FOXP1: variants seen among roughly 807,000 people sequenced by gnomAD.
The protein encoded by FOXP1 is forkhead box protein P1.
A neutral mutation model predicts 98.2 loss-of-function variants in FOXP1; 15 were observed. The observed-to-expected ratio is 0.15, with a 90% CI of 0.10 to 0.24. The LOEUF (loss-of-function observed/expected upper bound fraction) is 0.24, where lower values mean the gene tolerates loss of function less well. FOXP1 is among the 10% of genes least tolerant of loss of function. The pLI, the probability that FOXP1 is intolerant of heterozygous loss-of-function variation, is 1.00. For missense variants in FOXP1, 633 were observed against 848.5 expected (o/e 0.75, Z 3.15); for synonymous variants, 371 against 314.5 (o/e 1.18, Z -1.90).
chr3:71,438,912 G>A (rs1471408509), intron 3 of FOXP1, among the ~76,000 whole-genome samples: 1 of 150,938 alleles, frequency 6.6e-6, no homozygotes, highest in Non-Finnish European at 1.5e-5. Flanking sequence ...CACTGGTGGA[G>A]ACCACAGGGC....
At chr3:71,187,356 C>T (rs945003117) in intron 6 of FOXP1, among the ~76,000 whole-genome samples, 2 of 152,074 alleles carry the variant, frequency 1.3e-5, no homozygotes, top group Non-Finnish European at 2.9e-5. Context: ...GAGGCTGAGG[C>T]GGGTGGATCA....
rs1456363234 is a variant in FOXP1 at position 70,957,060 on chromosome 3, C to T, written c.*2187G>A. ...AAAAATATCTCTTTTTCTAGAAATACTATTATGTAATCTAGTTCAATTATG... is the reference window on the plus strand; with the variant it reads ...AAAAATATCTCTTTTTCTAGAAATATTATTATGTAATCTAGTTCAATTATG... On this transcript the variant is annotated 3_prime_UTR_variant, in exon 21 of 21. Transcript: ENST00000649528. The T allele has an allele frequency of 2.2e-5, 5 of 222,338 alleles. No homozygotes were observed. Among genetic ancestry groups the T allele is most frequent in the Middle Eastern group, 1.4e-3 (1 of 700 alleles). 13.8% of individuals were successfully genotyped at this position (222,338 alleles called of 1,614,324 possible).
intron 3 of FOXP1, among the ~76,000 whole-genome samples, chr3:71,409,057 G>A (rs1313826132): frequency 6.6e-6 from 1 of 152,216 alleles, no homozygotes; most frequent in Non-Finnish European, 1.5e-5. Context: ...AACGTGCACA[G>A]CAGGTTTTTT....
chr3:71,075,720 T>TC (rs1042452638), intron 7 of FOXP1, among the ~76,000 whole-genome samples: 1 of 151,822 alleles, frequency 6.6e-6, no homozygotes, highest in Non-Finnish European at 1.5e-5. Flanking sequence ...TTTTTTGTTT[T>TC]TTTTTTTTTA....
At chr3:71,358,335 T>C (rs2078311265) in intron 4 of FOXP1, among the ~76,000 whole-genome samples, 1 of 152,094 alleles carries the variant, frequency 6.6e-6, no homozygotes, top group South Asian at 2.1e-4. Context: ...AACTGTAAAA[T>C]AGAAGGAACG....
intron 6 of FOXP1, among the ~76,000 whole-genome samples, chr3:71,155,253 G>C (rs1222362344): frequency 6.6e-6 from 1 of 152,108 alleles, no homozygotes; most frequent in South Asian, 2.1e-4. Context: ...AGCAGTGCTC[G>C]GGTGCCCTCT....
At chr3:71,118,025 C>G (rs1033325253) in intron 6 of FOXP1, among the ~76,000 whole-genome samples, 1 of 152,178 alleles carries the variant, frequency 6.6e-6, no homozygotes, top group African/African-American at 2.4e-5. Flanking sequence ...GCATCACTTT[C>G]ATCTCTTCTG....
chr3:71,155,482 T>A (rs2060776294), intron 6 of FOXP1, among the ~76,000 whole-genome samples: 1 of 152,220 alleles, frequency 6.6e-6, no homozygotes, highest in African/African-American at 2.4e-5. Context: ...CAGTTTGTAT[T>A]TTCCACATCT....
At chr3:70,978,419 T>C (rs1159155823) in intron 14 of FOXP1, among the ~76,000 whole-genome samples, 1 of 152,190 alleles carries the variant, frequency 6.6e-6, no homozygotes, top group Non-Finnish European at 1.5e-5. Flanking sequence ...CCAGTGAAGC[T>C]GAGTATTTTA....
intron 7 of FOXP1, among the ~76,000 whole-genome samples, chr3:71,060,641 CT>C (rs2051347721): frequency 6.6e-6 from 1 of 152,032 alleles, no homozygotes; most frequent in South Asian, 2.1e-4. Context: ...GTATTCTCCC[CT>C]GTGTCATCTT....
chr3:71,239,284 C>T (rs2067052781), intron 5 of FOXP1, among the ~76,000 whole-genome samples: 1 of 152,130 alleles, frequency 6.6e-6, no homozygotes. Context: ...TGGCTCATGC[C>T]TGTAATCCCA....
rs1188423211 is a variant in FOXP1, at chr3:71,198,350, C to T, written c.32G>A (p.Ser11Asn). 2 of 1,435,332 alleles carry T rather than the reference C, an allele frequency of 1.4e-6. No individual in the cohort carries two copies. The highest frequency in any genetic ancestry group is 2.0e-5 in the Admixed American group (1 of 50,298). 88.9% of individuals were successfully genotyped at this position (1,435,332 alleles called of 1,614,324 possible). ...CCCATTCTGGATGGCTGAACCGTTACTTTTTGTCTCAGTCCCAGATTCTTG... is the reference window on the plus strand; with the variant it reads ...CCCATTCTGGATGGCTGAACCGTTATTTTTTGTCTCAGTCCCAGATTCTTG... MMQESGTETK[S>N]NGSAIQNGSG... is the part of the protein sequence containing the mutation. Residue 11 changes from serine (S) to asparagine (N), a missense_variant, in exon 6 of 21, where the codon AGT becomes AAT. By Grantham distance (46) the Ser-to-Asn change is conservative. Around this residue, in one of 6 missense-constraint regions of FOXP1, gnomAD observed 103 missense variants for 85.5 expected, o/e 1.20. Coordinates refer to ENST00000649528, the MANE Select transcript of FOXP1 (RefSeq NM_001349338.3).
intron 7 of FOXP1, among the ~76,000 whole-genome samples, chr3:71,106,435 A>C (rs1488435548): frequency 6.6e-6 from 1 of 152,108 alleles, no homozygotes; most frequent in Non-Finnish European, 1.5e-5. Context: ...TTCCAGGTTC[A>C]AGCGATTCTC....
intron 13 of FOXP1, among the ~76,000 whole-genome samples, chr3:70,991,889 A>G (rs1200420428): frequency 1.3e-5 from 2 of 152,188 alleles, no homozygotes; most frequent in Non-Finnish European, 2.9e-5. Flanking sequence ...TGATTCTAAG[A>G]ATCACCTGGG....
chr3:71,423,286 G>A lies in FOXP1; in HGVS notation c.-167-64042C>T, dbSNP rs114215720. On this transcript the variant is annotated intron_variant, in intron 3 of 20. Transcript: ENST00000649528. Reference sequence around the variant, plus strand: ...TAAGAATTGTGGCAACTTGCCAAGCGCATCGCAGAGCAAGACCAAGCGTGC... The same window carrying A: ...TAAGAATTGTGGCAACTTGCCAAGCACATCGCAGAGCAAGACCAAGCGTGC... Among the ~76,000 whole-genome samples, 243 of 152,274 alleles carry A rather than the reference G, an allele frequency of 1.6e-3. 1 individual carries two copies. Among genetic ancestry groups the A allele is most frequent in the African/African-American group, 5.6e-3 (232 of 41,534 alleles).
chr3:70,971,972 C>T, intron 18 of FOXP1: 8 of 1,357,164 alleles, frequency 5.9e-6, no homozygotes, highest in Non-Finnish European at 7.6e-6. Flanking sequence ...GCCAAAGCAA[C>T]AGCAGAAAAA....
At chr3:71,387,634 C>A (rs185427974) in intron 3 of FOXP1, among the ~76,000 whole-genome samples, 49 of 152,286 alleles carry the variant, frequency 3.2e-4, no homozygotes, top group Admixed American at 5.2e-4. Context: ...CAACTTCTTG[C>A]TGTGCGTATG....
chr3:71,501,164 G>A (rs1286855769), intron 2 of FOXP1, among the ~76,000 whole-genome samples: 3 of 152,126 alleles, frequency 2.0e-5, no homozygotes, highest in African/African-American at 4.8e-5. Context: ...TGCAGCCTGG[G>A]TGACAGAGTG....
chr3:71,565,958 G>A (rs950995505), intron 2 of FOXP1, among the ~76,000 whole-genome samples: 3 of 152,114 alleles, frequency 2.0e-5, no homozygotes, highest in African/African-American at 7.2e-5. Flanking sequence ...ATAAATCAAC[G>A]AGTGAATCAG....
Sources: gnomAD v4.1 joint callset for allele counts (sites outside exome capture counted in the v4.1 genomes callset) on GRCh38, gnomAD v4.1.1 for gene constraint, gnomAD v4.1.1 regional missense constraint, MANE v1.5 for transcripts, NCBI Gene and HGNC (gene_info 2026-07-23, HGNC 2026-07-21) for gene names.